Variants in MECOM observed in about 807,000 individuals in gnomAD.
MECOM encodes histone-lysine N-methyltransferase MECOM.
A neutral mutation model predicts 116.3 loss-of-function variants in MECOM; 13 were observed. The observed-to-expected ratio is 0.11, with a 90% CI of 0.07 to 0.18. The LOEUF (loss-of-function observed/expected upper bound fraction) is 0.18. Ranked by LOEUF, MECOM falls within the 10% of genes least tolerant of loss-of-function variation. The pLI is 1.00. For synonymous variants in MECOM, 528 were observed against 535.2 expected (o/e 0.99, Z 0.19); for missense variants, 1,299 against 1,509.0 (o/e 0.86, Z 2.31).
chr3:169,350,070 T>C (rs1399669568), intron 2 of MECOM, among the ~76,000 whole-genome samples: 1 of 152,000 alleles, frequency 6.6e-6, no homozygotes, highest in East Asian at 1.9e-4. Flanking sequence ...AAATAATCCT[T>C]TACCTGAGTG....
intron 1 of MECOM, among the ~76,000 whole-genome samples, chr3:169,502,485 A>G (rs1299144796): frequency 1.3e-5 from 2 of 152,092 alleles, no homozygotes; most frequent in African/African-American, 2.4e-5. Flanking sequence ...TGCCTAAGTT[A>G]GCCAGAGCCA....
At chr3:169,652,624 GAGA>G (rs909512241) in intron 1 of MECOM, among the ~76,000 whole-genome samples, 13 of 152,286 alleles carry the variant, frequency 8.5e-5, no homozygotes, top group South Asian at 4.2e-4. Flanking sequence ...GGGAGGGGCA[GAGA>G]AGAAGAAGTC....
At chr3:169,614,532 G>A (rs1388664942) in intron 1 of MECOM, among the ~76,000 whole-genome samples, 6 of 152,118 alleles carry the variant, frequency 3.9e-5, no homozygotes, top group Non-Finnish European at 7.4e-5. Flanking sequence ...GGATTCCTTT[G>A]AATAAATCTG....
At chr3:169,369,364 T>TTTTTTTTTA (rs1729708199) in intron 2 of MECOM, among the ~76,000 whole-genome samples, 2 of 147,154 alleles carry the variant, frequency 1.4e-5, no homozygotes, top group South Asian at 2.2e-4. Context: ...TTTTTTTTTT[T>TTTTTTTTTA]GAGACAGGGT....
intron 2 of MECOM, among the ~76,000 whole-genome samples, chr3:169,295,459 A>C (rs1715411807): frequency 6.6e-6 from 1 of 152,200 alleles, no homozygotes; most frequent in Non-Finnish European, 1.5e-5. Context: ...AAAAACATTA[A>C]AAAGTACAAT....
chr3:169,120,864 G>A, intron 7 of MECOM, 192 bp downstream of exon 7: 3 of 477,656 alleles, frequency 6.3e-6, no homozygotes, highest in South Asian at 8.8e-5. Flanking sequence ...AACACCCCAG[G>A]AATCAAGGAC....
At chr3:169,387,430 T>G (rs540125558) in intron 1 of MECOM, among the ~76,000 whole-genome samples, 12 of 152,362 alleles carry the variant, frequency 7.9e-5, no homozygotes, top group African/African-American at 2.9e-4. Context: ...TTCCGCCTAG[T>G]TTAACTGCAA....
intron 11 of MECOM, 88 bp downstream of exon 11, chr3:169,101,972 A>G: frequency 2.3e-6 from 3 of 1,291,910 alleles, no homozygotes; most frequent in Non-Finnish European, 3.2e-6. Context: ...TCATCTAATC[A>G]GGAATAATTT....
chr3:169,374,701 T>C (rs915844150), intron 2 of MECOM, among the ~76,000 whole-genome samples: 1 of 151,922 alleles, frequency 6.6e-6, no homozygotes, highest in Admixed American at 6.6e-5. Flanking sequence ...CCACCTTTCT[T>C]GGTGGGACAA....
chr3:169,269,926 G>C lies in MECOM; in HGVS notation c.375+111261C>G, dbSNP rs572997571. 2.0e-5 allele frequency among the ~76,000 whole-genome samples: 3 copies of C among 151,962 alleles called. No individual in the cohort carries two copies. The East Asian group carries it at 5.8e-4, about 29-fold the overall frequency. Reference sequence around the variant, plus strand: ...TTAAGTGGAAAATAGAAATATTTTTGTTCAAATTTTAGCTTTCTAACAGCT... The same window carrying C: ...TTAAGTGGAAAATAGAAATATTTTTCTTCAAATTTTAGCTTTCTAACAGCT... On this transcript the variant is annotated intron_variant, in intron 2 of 16. Transcript: ENST00000651503.
At position 169,330,151 on chromosome 3, in the gene MECOM, G is replaced by A. The variant is rs544713409; in HGVS notation, c.375+51036C>T. Among the ~76,000 whole-genome samples the A allele has an allele frequency of 3.9e-5, 6 of 152,168 alleles. No individual in the cohort carries two copies. The East Asian group carries it at 5.8e-4, about 15-fold the overall frequency. On this transcript the variant is annotated intron_variant, in intron 2 of 16. Transcript: ENST00000651503. ...AGTGATCCTCCCACCTCAGCCTCCCGAATAGCTGAGACTGCAGGTATCTGC... is the reference window on the plus strand; with the variant it reads ...AGTGATCCTCCCACCTCAGCCTCCCAAATAGCTGAGACTGCAGGTATCTGC...
chr3:169,653,545 T>C (rs961124781), intron 1 of MECOM, among the ~76,000 whole-genome samples: 1 of 152,148 alleles, frequency 6.6e-6, no homozygotes, highest in Non-Finnish European at 1.5e-5. Flanking sequence ...CAGTGTACAG[T>C]ATGGGTAGAT....
intron 1 of MECOM, among the ~76,000 whole-genome samples, chr3:169,472,680 G>A (rs370395817): frequency 0.18 from 12,439 of 69,214 alleles, 2,350 homozygotes; most frequent in Middle Eastern, 0.21. Context: ...AAGGAGAGGA[G>A]AGGAAAGGAA....
intron 2 of MECOM, among the ~76,000 whole-genome samples, chr3:169,344,629 C>T (rs1725053706): frequency 6.6e-6 from 1 of 152,152 alleles, no homozygotes; most frequent in Non-Finnish European, 1.5e-5. Context: ...CTCAAAGGAA[C>T]CTTTTATAGT....
At chr3:169,537,413 G>C (rs1445366958) in intron 1 of MECOM, among the ~76,000 whole-genome samples, 1 of 152,120 alleles carries the variant, frequency 6.6e-6, no homozygotes, top group African/African-American at 2.4e-5. Context: ...TTATTTCCCT[G>C]AACCTCAACG....
At chr3:169,539,029 CAA>C (rs557219132) in intron 1 of MECOM, among the ~76,000 whole-genome samples, 2 of 137,472 alleles carry the variant, frequency 1.5e-5, no homozygotes, top group Non-Finnish European at 1.6e-5. Flanking sequence ...TTATAGATTC[CAA>C]AAAAAAAAAA....
chr3:169,549,759 A>G (rs1356990269), intron 1 of MECOM, among the ~76,000 whole-genome samples: 1 of 152,244 alleles, frequency 6.6e-6, no homozygotes, highest in African/African-American at 2.4e-5. Context: ...CTTTTCTGAA[A>G]TAAGTGTTCC....
chr3:169,172,361 C>T (rs1744547817), intron 2 of MECOM, among the ~76,000 whole-genome samples: 2 of 151,642 alleles, frequency 1.3e-5, no homozygotes, highest in Non-Finnish European at 2.9e-5. Flanking sequence ...TTACTTTCCA[C>T]TGTATCACAG....
At chr3:169,305,387 T>A (rs781736210) in intron 2 of MECOM, among the ~76,000 whole-genome samples, 1 of 152,054 alleles carries the variant, frequency 6.6e-6, no homozygotes, top group African/African-American at 2.4e-5. Context: ...AGACAAGGAC[T>A]AATAAATGAT....
Sources: allele counts gnomAD v4.1 joint callset (sites outside exome capture counted in the v4.1 genomes callset), GRCh38; gene constraint gnomAD v4.1.1; transcripts MANE v1.5; gene names NCBI Gene and HGNC (gene_info 2026-07-23, HGNC 2026-07-21).